The following KLHL15 variants were observed in gnomAD, a reference collection of about 807,000 sequenced individuals.
KLHL15 encodes kelch-like protein 15.
In KLHL15, 1 loss-of-function variant was observed where a neutral mutation model predicts 29.3. That is an observed-to-expected ratio of 0.03 (90% confidence interval 0.01 to 0.16). The LOEUF is 0.16. Among genes scored for constraint, KLHL15 ranks in the 10% least tolerant of loss-of-function variants. KLHL15 has a pLI of 1.00. For synonymous variants in KLHL15, 212 were observed against 184.5 expected, an observed-to-expected ratio of 1.15 and a Z score of -1.21; for missense variants, 215 against 478.5, an observed-to-expected ratio of 0.45 and a Z score of 5.14.
At chrX:23,997,936 A>C in intron 3 of KLHL15, among the ~76,000 whole-genome samples, 1 of 108,360 alleles carries the variant, frequency 9.2e-6, no homozygotes, top group South Asian at 4.1e-4. Flanking sequence ...CCAAAAAAAC[A>C]AACAAAAAAC....
At chrX:24,017,711 G>A (rs952764835) in intron 2 of KLHL15, among the ~76,000 whole-genome samples, 1 of 103,219 alleles carries the variant, frequency 9.7e-6, no homozygotes, top group South Asian at 4.5e-4. Flanking sequence ...AGCCCGGGAG[G>A]CCGAGGCTGC....
chrX:24,018,020 G>A (rs1006957124), intron 2 of KLHL15, among the ~76,000 whole-genome samples: 1 of 110,710 alleles, frequency 9.0e-6, no homozygotes, highest in Non-Finnish European at 1.9e-5. Context: ...CAGGAAAATC[G>A]CTTGCGGTGA....
In KLHL15 at chrX:24,025,423, C is replaced by CGGGAGCCGCCCGGGGCCCGCCCA. The variant is rs1230755330; in HGVS notation, c.-209-388_-209-366dup. On this transcript the variant is annotated intron_variant, in intron 1 of 3. Coordinates refer to ENST00000328046, the MANE Select transcript of KLHL15 (RefSeq NM_030624.3). ...CGGGCCGCGCGCCCCCTGCGGGCCG[C>CGGGAGCCGCCCGGGGCCCGCCCA]GGGAGCCGCCCGGGGCCCGCCCAGG... 4.0e-4 allele frequency among the ~76,000 whole-genome samples: 42 copies of CGGGAGCCGCCCGGGGCCCGCCCA among 104,958 alleles called. 1 individual carries two copies. Among genetic ancestry groups the CGGGAGCCGCCCGGGGCCCGCCCA allele is most frequent in the Non-Finnish European group, 7.1e-4 (36 of 50,393 alleles). 91.1% of individuals were successfully genotyped at this position (104,958 alleles called of 115,157 possible).
rs373007871 is a variant in KLHL15 at position 24,005,943 on chromosome X, C to T, written c.705+46G>A. On this transcript the variant is annotated intron_variant, in intron 3 of 3. Transcript: ENST00000328046. ...TCTTATCTATAAAGACATACACTGC[C>T]TTAACTAAATGATGAGTACTGTCTA... The T allele has an allele frequency of 6.0e-6, 6 of 994,992 alleles. No homozygotes were observed. The African/African-American group carries it at 7.6e-5, about 13-fold the overall frequency. 82.0% of individuals were successfully genotyped at this position (994,992 alleles called of 1,213,427 possible).
At position 24,024,958 on chromosome X, in the gene KLHL15, G is replaced by A. The variant is rs981175577; in HGVS notation, c.-109C>T. 27 of 297,283 alleles carry A rather than the reference G, an allele frequency of 9.1e-5. No individual in the cohort carries two copies. The highest frequency in any genetic ancestry group is 2.9e-5 in the Non-Finnish European group (5 of 170,076). The allele number at this position is 297,283 out of a possible 1,213,427, so 24.5% of individuals were successfully genotyped here. On this transcript the variant is annotated 5_prime_UTR_variant, in exon 2 of 4. Coordinates refer to ENST00000328046, the MANE Select transcript of KLHL15 (RefSeq NM_030624.3). ...GCGGTCGGGCGCCGGGACGGCACTC[G>A]GCAGGCTCCTCGGACGTCTACGAGC...
intron 2 of KLHL15, among the ~76,000 whole-genome samples, chrX:24,018,210 C>T (rs1041266348): frequency 2.5e-4 from 28 of 111,759 alleles, no homozygotes; most frequent in African/African-American, 9.1e-4. Context: ...GCGTGCTCAA[C>T]AAGAAGTGCG....
At chrX:24,000,797 G>C (rs1929297714) in intron 3 of KLHL15, among the ~76,000 whole-genome samples, 1 of 112,494 alleles carries the variant, frequency 8.9e-6, no homozygotes, top group South Asian at 3.6e-4. Flanking sequence ...GGGGCATACA[G>C]CACCTACAGT....
intron 3 of KLHL15, among the ~76,000 whole-genome samples, chrX:23,993,368 G>A (rs1013886885): frequency 2.7e-5 from 3 of 111,049 alleles, no homozygotes; most frequent in Non-Finnish European, 5.7e-5. Flanking sequence ...ACAAAAAAGC[G>A]CCCCACACTT....
At chrX:24,023,966 T>C (rs980105642) in intron 2 of KLHL15, among the ~76,000 whole-genome samples, 2 of 112,186 alleles carry the variant, frequency 1.8e-5, no homozygotes, top group African/African-American at 6.5e-5. Flanking sequence ...AGGGCATATA[T>C]GTCTGCAAAG....
Position 24,019,562 on chromosome X carries a change from A to AT in KLHL15, c.-8+5294_-8+5295insA, listed in dbSNP as rs1312532970. 4.5e-5 allele frequency among the ~76,000 whole-genome samples: 5 copies of AT among 110,965 alleles called. No individual in the cohort carries two copies. In the Admixed American group the frequency reaches 4.8e-4, roughly 11 times the overall value. On this transcript the variant is annotated intron_variant, in intron 2 of 3. Coordinates refer to ENST00000328046, the MANE Select transcript of KLHL15 (RefSeq NM_030624.3). ...TGAGCCACCAAGCCCGGCCCCCACT[A>AT]ATTTTTAAGAGTACAAATAAGTACA...
intron 3 of KLHL15, among the ~76,000 whole-genome samples, chrX:24,001,075 G>C (rs748481393): frequency 1.9e-4 from 21 of 111,690 alleles, no homozygotes; most frequent in Non-Finnish European, 3.4e-4. Flanking sequence ...ACAGACTGGG[G>C]AAAAAAGTAC....
chrX:24,010,500 T>C (rs771075838), intron 2 of KLHL15, among the ~76,000 whole-genome samples: 14 of 112,529 alleles, frequency 1.2e-4, no homozygotes, highest in African/African-American at 4.2e-4. Context: ...TCAAAGATGT[T>C]CCCAAACTAA....
At chrX:24,012,087 G>A (rs781112240) in intron 2 of KLHL15, among the ~76,000 whole-genome samples, 13 of 110,342 alleles carry the variant, frequency 1.2e-4, no homozygotes, top group Admixed American at 1.1e-3. Context: ...CCTGGGAGGT[G>A]GAGGTTGCAG....
At chrX:23,993,850 G>A (rs753502416) in intron 3 of KLHL15, among the ~76,000 whole-genome samples, 18 of 108,600 alleles carry the variant, frequency 1.7e-4, no homozygotes, top group Non-Finnish European at 3.4e-4. Context: ...GCAACATGGC[G>A]AAATCCCGTC....
intron 3 of KLHL15, among the ~76,000 whole-genome samples, chrX:23,997,058 C>A (rs1887283532): frequency 8.9e-6 from 1 of 111,975 alleles, no homozygotes; most frequent in Admixed American, 9.5e-5. Flanking sequence ...CAGGCAAAGT[C>A]AAAAATGAAC....
intron 2 of KLHL15, among the ~76,000 whole-genome samples, chrX:24,017,866 G>A (rs1400754828): frequency 7.3e-5 from 8 of 109,648 alleles, no homozygotes; most frequent in Non-Finnish European, 1.5e-4. Context: ...CCAACATTTT[G>A]GGAGGCAAGG....
At chrX:24,026,704 C>A (rs925562186) in intron 1 of KLHL15, among the ~76,000 whole-genome samples, 5 of 111,024 alleles carry the variant, frequency 4.5e-5, no homozygotes, top group African/African-American at 1.6e-4. Context: ...GCCAAAATAG[C>A]ACACGGTGTA....
chrX:23,999,941 C>T (rs7064691), intron 3 of KLHL15, among the ~76,000 whole-genome samples: 11,759 of 111,338 alleles, frequency 0.11, 673 homozygotes, highest in African/African-American at 0.22. Context: ...AAAAGGAGTC[C>T]GATGCAGAAA....
At chrX:24,024,260 CTTATAT>C (rs1929872323) in intron 2 of KLHL15, among the ~76,000 whole-genome samples, 1 of 112,096 alleles carries the variant, frequency 8.9e-6, no homozygotes, top group Admixed American at 9.5e-5. Flanking sequence ...TACTTATTTG[CTTATAT>C]TTATAATATA....
Sources: gnomAD v4.1 joint callset for allele counts (sites outside exome capture counted in the v4.1 genomes callset) on GRCh38, gnomAD v4.1.1 for gene constraint, MANE v1.5 for transcripts, NCBI Gene and HGNC (gene_info 2026-07-23, HGNC 2026-07-21) for gene names.